RNASEH1: variants seen among roughly 807,000 people sequenced by gnomAD.
RNASEH1 encodes the protein ribonuclease H1.
RNASEH1 carries 27 observed loss-of-function variants against 34.6 expected under a neutral mutation model. The observed-to-expected ratio is 0.78, with a 90% confidence interval of 0.58 to 1.08. The LOEUF (loss-of-function observed/expected upper bound fraction) is 1.08. Ranked by LOEUF, RNASEH1 falls within the 50% of genes least tolerant of loss-of-function variation. The pLI is 0.00. For synonymous variants in RNASEH1, 162 were observed against 138.4 expected (o/e 1.17, Z -1.20); for missense variants, 349 against 373.6 (o/e 0.93, Z 0.54).
At chr2:3,553,500 C>G (rs1660190855) in intron 2 of RNASEH1, among the ~76,000 whole-genome samples, 1 of 151,820 alleles carries the variant, frequency 6.6e-6, no homozygotes, top group East Asian at 2.0e-4. Flanking sequence ...AAGCAGTTCT[C>G]TGCCACAGCC....
Position 3,544,759 on chromosome 2 carries a change from T to G in RNASEH1, c.*1026A>C, listed in dbSNP as rs1031669859. On this transcript the variant is annotated 3_prime_UTR_variant, in exon 8 of 8. Coordinates refer to ENST00000315212, the MANE Select transcript of RNASEH1 (RefSeq NM_002936.6). ...AAAAGGTTTAAAACTAAATAAATAA[T>G]CATGTCAAACTTTTACTACTTTTTT... The G allele has an allele frequency of 5.3e-5, 8 of 152,006 alleles. No homozygotes were observed. The highest frequency in any genetic ancestry group is 2.0e-4 in the Admixed American group (3 of 15,256). The allele number at this position is 152,006 out of a possible 1,614,324, so 9.4% of individuals were successfully genotyped here. A position where few individuals can be genotyped will look rare whatever the true frequency, so the allele number is the denominator to read the frequency against.
At chr2:3,557,622 G>T in intron 1 of RNASEH1, 1 of 357,146 alleles carries the variant, frequency 2.8e-6, no homozygotes, top group Non-Finnish European at 5.7e-6. Flanking sequence ...ACATGCCCTG[G>T]GAACTTCCTG....
chr2:3,536,374 G>A, the RNASEH1 span, among the ~76,000 whole-genome samples: 1 of 152,114 alleles, frequency 6.6e-6, no homozygotes, highest in Non-Finnish European at 1.5e-5. Context: ...TGCGTCCACC[G>A]CTCCGAGTCC....
rs895164256 is a variant in RNASEH1, at chr2:3,542,362, T to C, written c.*3423A>G. ...CATCTAAGGAAAAACAGCATATGAC[T>C]GTCAGGGGAAGAAAACAAGATTCAT... On this transcript the variant is annotated 3_prime_UTR_variant, in exon 8 of 8. Coordinates refer to ENST00000315212, the MANE Select transcript of RNASEH1 (RefSeq NM_002936.6). Among the ~76,000 whole-genome samples the C allele has an allele frequency of 6.6e-6, 1 of 152,202 alleles. No individual in the cohort carries two copies. Among genetic ancestry groups the C allele is most frequent in the African/African-American group, 2.4e-5 (1 of 41,450 alleles).
At chr2:3,553,761 T>C (rs1558458422) in intron 2 of RNASEH1, among the ~76,000 whole-genome samples, 2 of 152,334 alleles carry the variant, frequency 1.3e-5, no homozygotes, top group Middle Eastern at 3.4e-3. Context: ...GGTAATACTA[T>C]GGCAGCTGAA....
At chr2:3,537,837 C>T (rs941159095), downstream of RNASEH1, among the ~76,000 whole-genome samples, 4 of 150,760 alleles carry the variant, frequency 2.7e-5, no homozygotes, top group Non-Finnish European at 5.9e-5. Flanking sequence ...CAGGAGTTCG[C>T]GACCAGCTTG....
At chr2:3,532,928 T>C in the RNASEH1 span, among the ~76,000 whole-genome samples, 5 of 152,334 alleles carry the variant, frequency 3.3e-5, no homozygotes, top group Admixed American at 6.5e-5. Flanking sequence ...CAGACAGGAC[T>C]GATGGAGCTG....
At position 3,552,136 on chromosome 2, in the gene RNASEH1, AG is replaced by A. The variant is rs767583386; in HGVS notation, c.409+7del. The A allele has an allele frequency of 1.3e-5, 21 of 1,602,470 alleles. No individual in the cohort carries two copies. Among genetic ancestry groups the A allele is most frequent in the African/African-American group, 5.4e-5 (4 of 74,264 alleles). On this transcript the variant is annotated splice_region_variant and intron_variant, in intron 3 of 7. Transcript: ENST00000315212. ...GTATTAAAATCTGAAAACCCAAGGA[AG>A]ATGTACCCATGTAGGAAAACGTGTC...
Position 3,545,340 on chromosome 2 carries a change from C to T in RNASEH1, c.*445G>A, listed in dbSNP as rs759576863. ...TGGGCAGCATGTTCCTTTAATGTAC[C>T]CATGGGCACAAGTCACCTATACAAG... On this transcript the variant is annotated 3_prime_UTR_variant, in exon 8 of 8. Transcript: ENST00000315212. The T allele has an allele frequency of 8.9e-5, 16 of 180,250 alleles. No homozygotes were observed. The highest frequency in any genetic ancestry group is 1.8e-4 in the Non-Finnish European group (15 of 84,098). The allele number at this position is 180,250 out of a possible 1,614,324, so 11.2% of individuals were successfully genotyped here. A position where few individuals can be genotyped will look rare whatever the true frequency, so the allele number is the denominator to read the frequency against.
In RNASEH1 at chr2:3,547,947, C is replaced by T; in HGVS notation, c.758G>A (p.Gly253Glu). ...DFVALERLTQ[G>E]MDIQWMHVPG... ...GATACTCACCCACTGAATGTCCATC[C>T]CCTGGGTAAGCCTCTCCAGTGCCAC... Residue 253 changes from glycine (G) to glutamate (E), a missense_variant, in exon 7 of 8, where the codon GGG (glycine) becomes GAG (glutamate). This residue lies in a region of RNASEH1 where 93 missense variants were observed against 132.9 expected (regional missense o/e 0.70). Transcript: ENST00000315212. The T allele has an allele frequency of 1.9e-6, 3 of 1,613,868 alleles. No individual in the cohort carries two copies. Among genetic ancestry groups the T allele is most frequent in the Non-Finnish European group, 1.7e-6 (2 of 1,179,836 alleles).
downstream of RNASEH1, among the ~76,000 whole-genome samples, chr2:3,540,007 C>T (rs1572270407): frequency 6.6e-6 from 1 of 151,988 alleles, no homozygotes; most frequent in South Asian, 2.1e-4. Context: ...AGAGTGGCTA[C>T]CTTCAGGCTT....
chr2:3,546,365 T>A (rs1572291399), intron 7 of RNASEH1, among the ~76,000 whole-genome samples: 1 of 152,226 alleles, frequency 6.6e-6, no homozygotes, highest in Admixed American at 6.5e-5. Context: ...GTGGCTGCAG[T>A]GTAATTTGTT....
chr2:3,553,205 G>A (rs1260678583), intron 2 of RNASEH1, among the ~76,000 whole-genome samples: 5 of 151,112 alleles, frequency 3.3e-5, no homozygotes, highest in African/African-American at 9.7e-5. Context: ...CGGAGATCGC[G>A]CCACTGCACT....
Position 3,543,008 on chromosome 2 carries a change from A to T in RNASEH1, c.*2777T>A, listed in dbSNP as rs1668429020. ...ACTCTGGGAAAAATAATGGATTCCAAGTGTTAAACGGAATTAAGTTTGGCC... is the reference window on the plus strand; with the variant it reads ...ACTCTGGGAAAAATAATGGATTCCATGTGTTAAACGGAATTAAGTTTGGCC... On this transcript the variant is annotated 3_prime_UTR_variant, in exon 8 of 8. Transcript: ENST00000315212. 6.6e-6 allele frequency among the ~76,000 whole-genome samples: 1 copy of T among 152,232 alleles called. No homozygotes were observed. Among genetic ancestry groups the T allele is most frequent in the Non-Finnish European group, 1.5e-5 (1 of 68,044 alleles).
chr2:3,532,397 GTCAC>G, the RNASEH1 span: 5 of 701,238 alleles, frequency 7.1e-6, no homozygotes, highest in Admixed American at 2.0e-5. Context: ...CATTATTTCA[GTCAC>G]TCACTGAAAC....
Position 3,552,211 on chromosome 2 carries a change from A to G in RNASEH1, c.342T>C (p.Tyr114=), listed in dbSNP as rs111342036. Residue 114 remains tyrosine (Y), a synonymous_variant, in exon 3 of 8, where the codon TAT becomes TAC. Transcript: ENST00000315212. ...DGDGHESAEP[Y]AKHMKPSVEP... is the part of the protein sequence containing the mutation. ...CCACGCTCGGCTTCATGTGCTTTGC[A>G]TACGGCTCTGCGCTTTCATGTCCAT... The G allele has an allele frequency of 1.1e-5, 18 of 1,613,436 alleles. No homozygotes were observed. The highest frequency in any genetic ancestry group is 1.7e-5 in the Admixed American group (1 of 60,020).
At chr2:3,538,731 T>C (rs966510186), downstream of RNASEH1, among the ~76,000 whole-genome samples, 2 of 152,316 alleles carry the variant, frequency 1.3e-5, no homozygotes, top group Middle Eastern at 3.4e-3. Context: ...AAGGTGTATC[T>C]ACAGCATACA....
intron 3 of RNASEH1, among the ~76,000 whole-genome samples, chr2:3,551,898 A>G (rs1659955835): frequency 6.6e-6 from 1 of 152,248 alleles, no homozygotes; most frequent in East Asian, 1.9e-4. Flanking sequence ...CACAGGGAAT[A>G]CTAGTATTTC....
Position 3,550,359 on chromosome 2 carries a change from T to A in RNASEH1, c.509+14A>T. The A allele has an allele frequency of 1.3e-6, 2 of 1,595,720 alleles. No individual in the cohort carries two copies. The highest frequency in any genetic ancestry group is 2.2e-5 in the East Asian group (1 of 44,780). On this transcript the variant is annotated intron_variant, in intron 4 of 7. Coordinates refer to ENST00000315212, the MANE Select transcript of RNASEH1 (RefSeq NM_002936.6). ...GGAACATGATTCAGTAAAACTCAGC[T>A]TCGTTTAACTTACAAAGGATGGCCT...
Sources: allele counts gnomAD v4.1 joint callset (sites outside exome capture counted in the v4.1 genomes callset), GRCh38; gene constraint gnomAD v4.1.1; regional missense constraint gnomAD v4.1.1; transcripts MANE v1.5; gene names NCBI Gene and HGNC (gene_info 2026-07-23, HGNC 2026-07-21).